Variants in RBMS1 observed in about 807,000 individuals in gnomAD.
The protein encoded by RBMS1 is RNA-binding motif, single-stranded-interacting protein 1.
RBMS1 carries 17 observed loss-of-function variants against 62.3 expected under a neutral mutation model. The observed-to-expected ratio is 0.27, with a 90% CI of 0.19 to 0.41. The LOEUF (loss-of-function observed/expected upper bound fraction) is 0.41, where lower values mean the gene tolerates loss of function less well. Ranked by LOEUF, RBMS1 falls within the 10% of genes least tolerant of loss-of-function variation. The probability of loss-of-function intolerance (pLI) is 1.00; values close to 1 mark genes in which losing one functional copy is unlikely to be tolerated. For synonymous variants in RBMS1, 172 were observed against 170.0 expected (o/e 1.01, Z -0.09); for missense variants, 334 against 504.5 (o/e 0.66, Z 3.24).
At chr2:160,450,580 C>CAAAAAAAAAAAAAAAAA (rs796115120) in intron 1 of RBMS1, among the ~76,000 whole-genome samples, 1 of 120,822 alleles carries the variant, frequency 8.3e-6, no homozygotes, top group African/African-American at 3.2e-5. Flanking sequence ...AAAAAAAAAA[C>CAAAAAAAAAAAAAAAAA]AAAAAACATT....
chr2:160,375,358 C>T (rs767627167), intron 1 of RBMS1, among the ~76,000 whole-genome samples: 3 of 152,136 alleles, frequency 2.0e-5, no homozygotes, highest in Non-Finnish European at 4.4e-5. Context: ...ATAAGTGATT[C>T]TAAGAAAATA....
chr2:160,428,715 C>G (rs192347164), intron 1 of RBMS1, among the ~76,000 whole-genome samples: 2 of 152,094 alleles, frequency 1.3e-5, no homozygotes, highest in Admixed American at 6.5e-5. Flanking sequence ...ATATAAAGAA[C>G]CAGAATAAAT....
intron 2 of RBMS1, among the ~76,000 whole-genome samples, chr2:160,336,896 A>G (rs1395648792): frequency 6.6e-6 from 1 of 152,178 alleles, no homozygotes; most frequent in Non-Finnish European, 1.5e-5. Flanking sequence ...GCTTGGCACC[A>G]TTTAAACCAT....
At chr2:160,347,284 A>G (rs1692240384) in intron 2 of RBMS1, among the ~76,000 whole-genome samples, 2 of 152,190 alleles carry the variant, frequency 1.3e-5, no homozygotes, top group African/African-American at 2.4e-5. Flanking sequence ...AAAATTCAAC[A>G]TAACTGCTCA....
chr2:160,354,030 T>C (rs1692661786), intron 2 of RBMS1, among the ~76,000 whole-genome samples: 1 of 152,106 alleles, frequency 6.6e-6, no homozygotes, highest in Non-Finnish European at 1.5e-5. Flanking sequence ...GCTCTGAGCC[T>C]GTGCTCTTTA....
rs570388664 is a variant in RBMS1, at chr2:160,292,080, G to A, written c.641-4996C>T. ...TTTATTATTGTAACTAACACCGCAG[G>A]AACATCTGTGTGTGGATCTTAATCT... On this transcript the variant is annotated intron_variant, in intron 6 of 13. Transcript: ENST00000348849. Among the ~76,000 whole-genome samples the A allele has an allele frequency of 3.3e-5, 5 of 152,296 alleles. No individual in the cohort carries two copies. The East Asian group carries it at 7.7e-4, about 24-fold the overall frequency.
chr2:160,431,707 C>T (rs1397825714), intron 1 of RBMS1, among the ~76,000 whole-genome samples: 1 of 152,176 alleles, frequency 6.6e-6, no homozygotes, highest in African/African-American at 2.4e-5. Context: ...TGCAAGGCAA[C>T]CAATCCAGCA....
rs1422014155 is a variant in RBMS1, at chr2:160,471,717, A to ATATATATATATATATATATATG, written c.75+21571_75+21572insCATATATATATATATATATATA. On this transcript the variant is annotated intron_variant, in intron 1 of 13. Coordinates refer to ENST00000348849, the MANE Select transcript of RBMS1 (RefSeq NM_016836.4). ...TATATATATATATATATATATATATAACCTTTCATACATTCTGATTATAAG... is the reference window on the plus strand; with the variant it reads ...TATATATATATATATATATATATATATATATATATATATATATATATGACCTTTCATACATTCTGATTATAAG... Among the ~76,000 whole-genome samples, 54 of 53,958 alleles carry ATATATATATATATATATATATG rather than the reference A, an allele frequency of 1.0e-3. 2 individuals carry two copies. The East Asian group carries it at 0.017, about 17-fold the overall frequency. The allele number at this position is 53,958 out of a possible 152,430, so 35.4% of individuals were successfully genotyped here.
intron 2 of RBMS1, among the ~76,000 whole-genome samples, chr2:160,364,469 T>C (rs1693292788): frequency 1.3e-5 from 2 of 152,168 alleles, no homozygotes; most frequent in African/African-American, 2.4e-5. Context: ...CTTAGGCTAG[T>C]TGGCTTCCAG....
chr2:160,312,059 A>G (rs1000110781), intron 4 of RBMS1, among the ~76,000 whole-genome samples: 4 of 152,218 alleles, frequency 2.6e-5, no homozygotes, highest in African/African-American at 9.6e-5. Context: ...CTCTTTTAAT[A>G]AAAAGGCCAT....
At chr2:160,354,078 C>G (rs1014510680) in intron 2 of RBMS1, among the ~76,000 whole-genome samples, 1 of 152,068 alleles carries the variant, frequency 6.6e-6, no homozygotes, top group Non-Finnish European at 1.5e-5. Flanking sequence ...CATTAAGTAT[C>G]TCTCTGTCTT....
chr2:160,334,612 A>G (rs1409023294), intron 2 of RBMS1, among the ~76,000 whole-genome samples: 1 of 152,166 alleles, frequency 6.6e-6, no homozygotes, highest in Non-Finnish European at 1.5e-5. Flanking sequence ...ACTTCCAGTG[A>G]CTATGTGTGT....
chr2:160,295,396 G>C (rs1688884347), intron 6 of RBMS1, among the ~76,000 whole-genome samples: 1 of 152,154 alleles, frequency 6.6e-6, no homozygotes, highest in South Asian at 2.1e-4. Context: ...TGTCAACCAA[G>C]ACTTACACAC....
rs138050683 is a variant in RBMS1, at chr2:160,310,587, C to T, written c.402+2569G>A. Reference sequence around the variant, plus strand: ...AAGCTTGGGGAACTTCTTGAAATAACGACAGTGGCTGCAGAAGTCGTGAGA... The same window carrying T: ...AAGCTTGGGGAACTTCTTGAAATAATGACAGTGGCTGCAGAAGTCGTGAGA... On this transcript the variant is annotated intron_variant, in intron 4 of 13. Coordinates refer to ENST00000348849, the MANE Select transcript of RBMS1 (RefSeq NM_016836.4). Among the ~76,000 whole-genome samples, 24 of 152,240 alleles carry T rather than the reference C, an allele frequency of 1.6e-4. 1 individual carries two copies. The East Asian group carries it at 3.3e-3, about 21-fold the overall frequency.
At chr2:160,324,895 TATATATATATATACACACAC>T (rs1282431603) in intron 2 of RBMS1, among the ~76,000 whole-genome samples, 21 of 117,514 alleles carry the variant, frequency 1.8e-4, no homozygotes, top group Admixed American at 6.5e-4. Context: ...TATATATATA[TATATATATATATACACACAC>T]ACACACACAC....
At chr2:160,363,343 A>T (rs1693229454) in intron 2 of RBMS1, among the ~76,000 whole-genome samples, 1 of 152,234 alleles carries the variant, frequency 6.6e-6, no homozygotes, top group Non-Finnish European at 1.5e-5. Flanking sequence ...ATATGGAAAT[A>T]AGATGCTGAT....
At chr2:160,407,541 G>GCGC in intron 1 of RBMS1, 1 of 985,122 alleles carries the variant, frequency 1.0e-6, no homozygotes, top group African/African-American at 1.8e-5. Context: ...ATCGCTGCGG[G>GCGC]CGGCGGCGGC....
At chr2:160,379,931 A>T (rs1442948811) in intron 1 of RBMS1, among the ~76,000 whole-genome samples, 1 of 152,080 alleles carries the variant, frequency 6.6e-6, no homozygotes, top group Non-Finnish European at 1.5e-5. Flanking sequence ...GGGTGTGGAG[A>T]TCAGTGGGCA....
chr2:160,407,279 G>A lies in RBMS1; in HGVS notation c.76-39888C>T, dbSNP rs375877569. Among the ~76,000 whole-genome samples, 11 of 152,164 alleles carry A rather than the reference G, an allele frequency of 7.2e-5. No homozygotes were observed. In the South Asian group the frequency reaches 2.3e-3, roughly 32 times the overall value. ...CCACTTCCCACCCTGCCCGGCCCGG[G>A]CGGCGGCGGCGAGGGCATCTCCCCT... is the stretch of plus-strand genomic sequence containing the variant. On this transcript the variant is annotated intron_variant, in intron 1 of 13. Coordinates refer to ENST00000348849, the MANE Select transcript of RBMS1 (RefSeq NM_016836.4).
Sources: gnomAD v4.1 joint callset for allele counts (sites outside exome capture counted in the v4.1 genomes callset) on GRCh38, gnomAD v4.1.1 for gene constraint, MANE v1.5 for transcripts, NCBI Gene and HGNC (gene_info 2026-07-23, HGNC 2026-07-21) for gene names.